Variants in GANAB observed in about 807,000 individuals in gnomAD.
GANAB encodes neutral alpha-glucosidase AB.
In GANAB, 35 loss-of-function variants were observed where a neutral mutation model predicts 129.9. That is an observed-to-expected ratio of 0.27 (90% confidence interval 0.21 to 0.36). The LOEUF (loss-of-function observed/expected upper bound fraction) is 0.36. Ranked by LOEUF, GANAB falls within the 10% of genes least tolerant of loss-of-function variation. The pLI is 1.00. For synonymous variants in GANAB, 482 were observed against 451.8 expected, an observed-to-expected ratio of 1.07 and a Z score of -0.85; for missense variants, 939 against 1,221.0, an observed-to-expected ratio of 0.77 and a Z score of 3.44.
At position 62,629,077 on chromosome 11, in the gene GANAB, C is replaced by A. The variant is rs1472548034; in HGVS notation, c.1937-65G>T. The A allele has an allele frequency of 8.2e-6, 13 of 1,584,400 alleles. No homozygotes were observed. In the East Asian group the frequency reaches 2.9e-4, roughly 36 times the overall value. ...TGAAGGAGAGATACTGCTTGAGAAA[C>A]TTCCCAAGGCCCTAACTTGGACTCT... On this transcript the variant is annotated intron_variant, in intron 16 of 23. Coordinates refer to ENST00000356638, the MANE Select transcript of GANAB (RefSeq NM_198334.3).
chr11:62,634,254 G>T, intron 5 of GANAB: 1 of 1,205,754 alleles, frequency 8.3e-7, no homozygotes, highest in Non-Finnish European at 1.2e-6. Context: ...AAAGGCTAGA[G>T]TGAGGAATGG....
intron 1 of GANAB, among the ~76,000 whole-genome samples, chr11:62,644,133 G>A (rs891862783): frequency 3.3e-5 from 5 of 151,998 alleles, no homozygotes; most frequent in Non-Finnish European, 5.9e-5. Context: ...TAGTAGAGAC[G>A]GGGTTTCTCT....
chr11:62,632,874 C>T (rs1943753446), intron 8 of GANAB, 129 bp from the exon 9 acceptor site: 1 of 991,122 alleles, frequency 1.0e-6, no homozygotes, highest in African/African-American at 1.6e-5. Context: ...AATTTTCTAT[C>T]ACCAAAGGTG....
Position 62,629,838 on chromosome 11 carries a change from C to T in GANAB, c.1713G>A (p.Val571=), listed in dbSNP as rs773949433. ...CCACATAAAGGCCATAGATGTTATGCACATCCCGGTGCTCCCAGCCCCCAT... is the reference window on the plus strand; with the variant it reads ...CCACATAAAGGCCATAGATGTTATGTACATCCCGGTGCTCCCAGCCCCCAT... ...QHYGGWEHRD[V]HNIYGLYVHM... is the part of the protein sequence containing the mutation. Residue 571 remains valine (V), a synonymous_variant, in exon 14 of 24, where the codon GTG becomes GTA. Coordinates refer to ENST00000356638, the MANE Select transcript of GANAB (RefSeq NM_198334.3). The T allele has an allele frequency of 1.9e-6, 3 of 1,614,064 alleles. No homozygotes were observed. The highest frequency in any genetic ancestry group is 1.1e-5 in the South Asian group (1 of 91,084).
At chr11:62,646,438 G>A (rs1012986877) in intron 1 of GANAB, 124 bp downstream of exon 1, 2 of 1,141,288 alleles carry the variant, frequency 1.8e-6, no homozygotes, top group Non-Finnish European at 2.6e-6. Context: ...CGCCTCCAGA[G>A]GAACAAAGGT....
chr11:62,634,186 C>T (rs1245382988), intron 5 of GANAB: 3 of 696,644 alleles, frequency 4.3e-6, no homozygotes, highest in Non-Finnish European at 7.8e-6. Context: ...CCAGACATCA[C>T]ACAGCAGGGG....
At position 62,633,223 on chromosome 11, in the gene GANAB, C is replaced by G; in HGVS notation, c.679G>C (p.Glu227Gln). 6.2e-7 allele frequency: 1 copy of G among 1,614,126 alleles called. No homozygotes were observed. The highest frequency in any genetic ancestry group is 1.3e-5 in the African/African-American group (1 of 75,020). The change falls in exon 7 of 24, where the codon GAG (glutamate) becomes CAG (glutamine). Residue 227 changes from glutamate (E) to glutamine (Q), a missense_variant. By Grantham distance (29) the Glu-to-Gln change is conservative (BLOSUM62 2). Transcript: ENST00000356638. ...KAEKDEPGAWEETFKTHSDSK... is the reference protein window; with the variant it reads ...KAEKDEPGAWQETFKTHSDSK... ...TCAGAGTGAGTTTTGAATGTCTCCT[C>G]CCAGGCTCCTGGCTCATCTTTCTCT...
rs375934368 is a variant in GANAB, at chr11:62,626,895, G to A, written c.2362C>T (p.Pro788Ser). The A allele has an allele frequency of 2.5e-5, 40 of 1,612,794 alleles. No individual in the cohort carries two copies. Among genetic ancestry groups the A allele is most frequent in the Non-Finnish European group, 3.4e-5 (40 of 1,178,978 alleles). ...DIQSYQKHHG[P>S]QTLYLPVTLS... ...GTTACAGGCAGGTACAGGGTCTGGGGACCATGATGCTTCTGGTAGCTTTGA... is the reference window on the plus strand; with the variant it reads ...GTTACAGGCAGGTACAGGGTCTGGGAACCATGATGCTTCTGGTAGCTTTGA... Residue 788 changes from proline to serine, a missense_variant, in exon 20 of 24, where the codon CCC becomes TCC. Pro to Ser is a moderately conservative substitution (Grantham distance 74). Transcript: ENST00000356638.
intron 1 of GANAB, chr11:62,640,045 C>T (rs1477668863): frequency 1.6e-5 from 4 of 245,026 alleles, no homozygotes; most frequent in Non-Finnish European, 3.2e-5. Context: ...ACCATCCTGG[C>T]TAACACGGTG....
intron 6 of GANAB, 43 bp from the exon 7 acceptor site, chr11:62,633,314 C>A (rs1314799952): frequency 3.2e-6 from 5 of 1,564,544 alleles, no homozygotes; most frequent in Non-Finnish European, 4.4e-6. Context: ...CATACCAGTT[C>A]TCTCTTTCCC....
chr11:62,635,072 G>A (rs928041554), intron 4 of GANAB, 72 bp from the exon 5 acceptor site: 42 of 1,086,754 alleles, frequency 3.9e-5, no homozygotes, highest in African/African-American at 1.6e-4. Context: ...TTAGAAGACC[G>A]GGGGAAATCT....
At chr11:62,640,832 C>A (rs374036067) in intron 1 of GANAB, among the ~76,000 whole-genome samples, 23 of 74,762 alleles carry the variant, frequency 3.1e-4, no homozygotes, top group South Asian at 6.1e-4. Flanking sequence ...AACTCCCTCT[C>A]AAAAAAAAAA....
intron 16 of GANAB, 84 bp from the exon 17 acceptor site, chr11:62,629,096 G>A (rs1221409598): frequency 3.8e-6 from 6 of 1,562,562 alleles, no homozygotes; most frequent in Non-Finnish European, 5.3e-6. Context: ...GCCCTAACTT[G>A]GACTCTCAAC....
chr11:62,634,209 G>A (rs1340166839), intron 5 of GANAB: 4 of 786,214 alleles, frequency 5.1e-6, no homozygotes, highest in Admixed American at 1.9e-5. Context: ...AGTGGGGTGA[G>A]TGAAAGGCTG....
chr11:62,632,691 G>A lies in GANAB; in HGVS notation c.870C>T (p.Tyr290=). 1 of 1,613,670 alleles carries A rather than the reference G, an allele frequency of 6.2e-7. No homozygotes were observed. The highest frequency in any genetic ancestry group is 8.5e-7 in the Non-Finnish European group (1 of 1,179,586). The part of the protein sequence containing the change: ...YNLDVFQYEL[Y]NPMALYGSVP... The stretch of plus-strand genomic sequence containing the variant: ...CAGACCCATACAAGGCCATTGGGTT[G>A]TACAGCTCATACTGGAACACATCCA... The change falls in exon 9 of 24, where the codon TAC becomes TAT. Residue 290 remains tyrosine (Y), a synonymous_variant. Coordinates refer to ENST00000356638, the MANE Select transcript of GANAB (RefSeq NM_198334.3).
chr11:62,630,628 A>G lies in GANAB; in HGVS notation c.1359T>C (p.Leu453=). 1.2e-6 allele frequency: 2 copies of G among 1,613,144 alleles called. No homozygotes were observed. The highest frequency in any genetic ancestry group is 1.7e-6 in the Non-Finnish European group (2 of 1,179,158). ...PSRFPQPRTM[L]ERLASKRRKL... The stretch of plus-strand genomic sequence containing the variant: ...TCCGCCTCTTAGAAGCCAAGCGCTC[A>G]AGCATGGTGCGGGGCTGAGGGAAGC... The change falls in exon 11 of 24, where the codon CTT becomes CTC. Residue 453 remains leucine (L), a synonymous_variant. Transcript: ENST00000356638.
Position 62,625,893 on chromosome 11 carries a change from ATGC to A in GANAB, c.2754_2756del (p.Gln918del). ...GGACCAACACAGAGGTCTCAGGGTC[ATGC>A]TGGAAGGACAGGCGGCTTTCTGGAG... On this transcript the variant is annotated inframe_deletion, in exon 24 of 24. Coordinates refer to ENST00000356638, the MANE Select transcript of GANAB (RefSeq NM_198334.3). The A allele has an allele frequency of 6.2e-7, 1 of 1,613,770 alleles. No individual in the cohort carries two copies. The highest frequency in any genetic ancestry group is 8.5e-7 in the Non-Finnish European group (1 of 1,179,632).
At chr11:62,627,154 G>T in intron 18 of GANAB, 30 bp from the exon 19 acceptor site, 1 of 1,579,976 alleles carries the variant, frequency 6.3e-7, no homozygotes, top group Non-Finnish European at 8.7e-7. Flanking sequence ...ACTCTGAATA[G>T]GGGGATTAGT....
chr11:62,627,305 A>AGGTAG lies in GANAB; in HGVS notation c.2228_2229insCTACC (p.Asp744TyrfsTer54). On this transcript the variant is annotated frameshift_variant, in exon 18 of 24. Transcript: ENST00000356638. LOFTEE classifies it high-confidence loss of function. ...ATTTCTCACCAAGCAAGTACTGATC[A>AGGTAG]TCTATATTGAAGGTAGTCACATCCT... is the stretch of plus-strand genomic sequence containing the variant. 1 of 1,580,074 alleles carries AGGTAG rather than the reference A, an allele frequency of 6.3e-7. No homozygotes were observed. Among genetic ancestry groups the AGGTAG allele is most frequent in the Non-Finnish European group, 8.7e-7 (1 of 1,148,928 alleles).
Sources: allele counts gnomAD v4.1 joint callset (sites outside exome capture counted in the v4.1 genomes callset), GRCh38; gene constraint gnomAD v4.1.1; transcripts MANE v1.5; gene names NCBI Gene and HGNC (gene_info 2026-07-23, HGNC 2026-07-21).